Variants in STK33 observed in about 807,000 individuals in gnomAD.
STK33 encodes serine/threonine-protein kinase 33.
Under a neutral mutation model 58.0 loss-of-function variants are expected in STK33, and 52 were observed. The observed-to-expected ratio is 0.90, with a 90% CI of 0.72 to 1.13. The LOEUF (loss-of-function observed/expected upper bound fraction) is 1.13. Ranked by LOEUF, STK33 falls within the 50% of genes most tolerant of loss-of-function variation. The pLI is 0.00. For synonymous variants in STK33, 215 were observed against 200.1 expected (o/e 1.07, Z -0.63); for missense variants, 630 against 604.2 (o/e 1.04, Z -0.45).
chr11:8,577,099 T>C (rs997551888), intron 1 of STK33, among the ~76,000 whole-genome samples: 2 of 152,138 alleles, frequency 1.3e-5, no homozygotes, highest in African/African-American at 4.8e-5. Flanking sequence ...CCCTGAAATG[T>C]GTCTAGTAAA....
At chr11:8,573,744 T>G (rs1245123065) in intron 1 of STK33, among the ~76,000 whole-genome samples, 2 of 152,168 alleles carry the variant, frequency 1.3e-5, no homozygotes, top group Non-Finnish European at 2.9e-5. Flanking sequence ...GACTATTACT[T>G]AGCAATAAAA....
chr11:8,550,254 G>A (rs1956217313), intron 1 of STK33, among the ~76,000 whole-genome samples: 1 of 152,096 alleles, frequency 6.6e-6, no homozygotes, highest in Non-Finnish European at 1.5e-5. Context: ...GTAATTAATA[G>A]CAATAGTTTC....
At chr11:8,506,749 T>C (rs1249601913) in intron 1 of STK33, among the ~76,000 whole-genome samples, 1 of 152,216 alleles carries the variant, frequency 6.6e-6, no homozygotes, top group Non-Finnish European at 1.5e-5. Flanking sequence ...TTATTCTGCC[T>C]ACCACAAGCT....
intron 1 of STK33, among the ~76,000 whole-genome samples, chr11:8,481,713 A>G (rs1591399209): frequency 1.3e-5 from 2 of 152,158 alleles, no homozygotes; most frequent in East Asian, 3.8e-4. Context: ...TGATTCTGAA[A>G]GGCTTCCTAT....
At chr11:8,449,603 A>T (rs1408230853) in intron 11 of STK33, among the ~76,000 whole-genome samples, 1 of 132,486 alleles carries the variant, frequency 7.5e-6, no homozygotes, top group African/African-American at 2.9e-5. Flanking sequence ...GGACACAGGA[A>T]GGGGAACATC....
At chr11:8,569,554 T>TA (rs1263993365) in intron 1 of STK33, among the ~76,000 whole-genome samples, 4 of 152,222 alleles carry the variant, frequency 2.6e-5, no homozygotes, top group Admixed American at 2.0e-4. Context: ...TCAGGTAAGT[T>TA]AAAGATTTCT....
chr11:8,559,524 G>A (rs1381358590), intron 1 of STK33, among the ~76,000 whole-genome samples: 3 of 152,130 alleles, frequency 2.0e-5, no homozygotes, highest in East Asian at 1.9e-4. Context: ...AGTTTAGTAC[G>A]TCATGCAAAG....
chr11:8,522,919 G>A (rs1953615049), intron 1 of STK33, among the ~76,000 whole-genome samples: 1 of 152,162 alleles, frequency 6.6e-6, no homozygotes, highest in South Asian at 2.1e-4. Context: ...AGCCTGCCGA[G>A]TGCCTGGGAT....
chr11:8,534,564 CTCTCTGTG>C (rs1422148291), intron 1 of STK33, among the ~76,000 whole-genome samples: 2,053 of 118,256 alleles, frequency 0.017, 57 homozygotes, highest in African/African-American at 0.072. Flanking sequence ...CTCTCTCTCT[CTCTCTGTG>C]TGTGTGTGTG....
chr11:8,452,947 C>G (rs1225966937), intron 10 of STK33, 41 bp from the exon 11 acceptor site: 1 of 1,540,552 alleles, frequency 6.5e-7, no homozygotes, highest in Non-Finnish European at 9.0e-7. Flanking sequence ...GTTTTCCTGT[C>G]CTAGAGCTCA....
At chr11:8,507,677 A>G (rs926161725) in intron 1 of STK33, among the ~76,000 whole-genome samples, 2 of 152,146 alleles carry the variant, frequency 1.3e-5, no homozygotes, top group African/African-American at 4.8e-5. Context: ...TCTCCACATA[A>G]GTCCAATCAG....
intron 1 of STK33, among the ~76,000 whole-genome samples, chr11:8,503,024 G>C (rs939012193): frequency 6.6e-6 from 1 of 152,164 alleles, no homozygotes; most frequent in African/African-American, 2.4e-5. Flanking sequence ...ATACACTGCT[G>C]GTGGAAATGT....
chr11:8,342,920 C>T, the STK33 span, among the ~76,000 whole-genome samples: 4 of 152,184 alleles, frequency 2.6e-5, no homozygotes, highest in African/African-American at 4.8e-5. Flanking sequence ...AGGGAAAGTG[C>T]GATGAGCCAG....
chr11:8,425,465 G>A (rs1942603893), intron 14 of STK33, among the ~76,000 whole-genome samples: 1 of 152,156 alleles, frequency 6.6e-6, no homozygotes, highest in African/African-American at 2.4e-5. Flanking sequence ...ACTTGGCAAT[G>A]TGGGCTGTTT....
intron 1 of STK33, among the ~76,000 whole-genome samples, chr11:8,583,256 C>T (rs2030764622): frequency 1.3e-5 from 2 of 152,162 alleles, no homozygotes; most frequent in Admixed American, 1.3e-4. Flanking sequence ...AACACACTCA[C>T]CTGTCCTTCA....
chr11:8,551,348 T>C (rs1956287656), intron 1 of STK33, among the ~76,000 whole-genome samples: 1 of 152,152 alleles, frequency 6.6e-6, no homozygotes, highest in Non-Finnish European at 1.5e-5. Context: ...CAAGCTGGTC[T>C]CAAACTCCTG....
rs575937949 is a variant in STK33, at chr11:8,521,402, C to T, written c.-465-40788G>A. Among the ~76,000 whole-genome samples the T allele has an allele frequency of 1.3e-4, 20 of 152,326 alleles. 1 individual carries two copies. The South Asian group carries it at 4.1e-3, about 32-fold the overall frequency. On this transcript the variant is annotated intron_variant, in intron 1 of 15. Transcript: ENST00000687296. Reference sequence around the variant, plus strand: ...AGGATTCCCTATTTAATAAATGGTGCTGGGAAAACTGGTCAGCCATATGTA... The same window carrying T: ...AGGATTCCCTATTTAATAAATGGTGTTGGGAAAACTGGTCAGCCATATGTA...
At chr11:8,464,682 C>T (rs1249716624) in intron 7 of STK33, 27 bp downstream of exon 7, 1 of 1,533,832 alleles carries the variant, frequency 6.5e-7, no homozygotes, top group South Asian at 1.1e-5. Context: ...ACTGTGCCCT[C>T]AGTAGGATGC....
intron 1 of STK33, among the ~76,000 whole-genome samples, chr11:8,518,416 G>A (rs200363631): frequency 0.17 from 25,737 of 151,942 alleles, 2,601 homozygotes; most frequent in South Asian, 0.31. Flanking sequence ...CATCAATGCA[G>A]GGAAGAAACT....
Sources: gnomAD v4.1 joint callset for allele counts (sites outside exome capture counted in the v4.1 genomes callset) on GRCh38, gnomAD v4.1.1 for gene constraint, MANE v1.5 for transcripts, NCBI Gene and HGNC (gene_info 2026-07-23, HGNC 2026-07-21) for gene names.